AKR1B1: variants seen among roughly 807,000 people sequenced by gnomAD.
AKR1B1 encodes the protein aldo-keto reductase family 1 member B.
In AKR1B1, 22 loss-of-function variants were observed where a neutral mutation model predicts 40.4. The ratio of observed to expected loss-of-function variants is 0.54; its 90% CI spans 0.39 to 0.78. The LOEUF is 0.78. AKR1B1 is among the 30% of genes least tolerant of loss of function. The pLI is 0.00. For synonymous variants in AKR1B1, 157 were observed against 149.9 expected (o/e 1.05, Z -0.35); for missense variants, 357 against 396.7 (o/e 0.90, Z 0.85).
rs1164387534 is a variant in AKR1B1 at position 134,449,518 on chromosome 7, T to C, written c.429+202A>G. On this transcript the variant is annotated intron_variant, in intron 4 of 9. Transcript: ENST00000285930. Reference sequence around the variant, plus strand: ...AGGAGAATGGCGTGAACCCAGGAGGTGGAGCTTGCAGTGAGCCGAGATTGT... The same window carrying C: ...AGGAGAATGGCGTGAACCCAGGAGGCGGAGCTTGCAGTGAGCCGAGATTGT... The C allele has an allele frequency of 4.8e-5, 29 of 601,904 alleles. No homozygotes were observed. In the East Asian group the frequency reaches 5.0e-4, roughly 10 times the overall value. The allele number at this position is 601,904 out of a possible 1,614,324, so 37.3% of individuals were successfully genotyped here. A position where few individuals can be genotyped will look rare whatever the true frequency, so the allele number is the denominator to read the frequency against.
intron 9 of AKR1B1, among the ~76,000 whole-genome samples, chr7:134,443,498 G>A (rs1195434929): frequency 6.6e-6 from 1 of 152,090 alleles, no homozygotes; most frequent in African/African-American, 2.4e-5. Flanking sequence ...GAGGACAGAG[G>A]GAGCCTCCTT....
In AKR1B1 at chr7:134,449,016, T is replaced by C; in HGVS notation, c.533A>G (p.Tyr178Cys). The change falls in exon 5 of 10, where the codon TAT becomes TGT. Residue 178 changes from tyrosine (Y) to cysteine (C), a missense_variant. Tyr to Cys is a radical substitution (Grantham distance 194, BLOSUM62 -2). Transcript: ENST00000285930. ...GTTTACCTGGTTAACTGCAGGCTTA[T>C]ACTTCAAGCCAGGTTTGTTTAAGAT... Reference protein sequence around the residue: ...EMILNKPGLKYKPAVNQIECH... With the variant: ...EMILNKPGLKCKPAVNQIECH... 1 of 1,614,124 alleles carries C rather than the reference T, an allele frequency of 6.2e-7. No homozygotes were observed. The highest frequency in any genetic ancestry group is 8.5e-7 in the Non-Finnish European group (1 of 1,180,004).
At chr7:134,442,885 C>T (rs1805981586) in intron 9 of AKR1B1, 115 bp from the exon 10 acceptor site, 1 of 1,025,772 alleles carries the variant, frequency 9.7e-7, no homozygotes, top group South Asian at 1.4e-5. Flanking sequence ...ACCTCAGAGG[C>T]AACAAGCTAG....
intron 9 of AKR1B1, chr7:134,444,853 CA>C (rs1806049008): frequency 2.9e-6 from 1 of 340,966 alleles, no homozygotes. Flanking sequence ...GGCTCCCGAC[CA>C]AACCCCTTTC....
chr7:134,442,786 A>C lies in AKR1B1; in HGVS notation c.909-16T>G. 2 of 1,613,890 alleles carry C rather than the reference A, an allele frequency of 1.2e-6. No homozygotes were observed. The highest frequency in any genetic ancestry group is 1.7e-6 in the Non-Finnish European group (2 of 1,179,788). ...GGAGGTACAGCTGTCAGGAGAAAGG[A>C]GAAAACAGTTGCTTTTTGAAGAGGT... On this transcript the variant is annotated splice_polypyrimidine_tract_variant and intron_variant, in intron 9 of 9. Transcript: ENST00000285930.
At chr7:134,446,019 A>C (rs999419081) in intron 8 of AKR1B1, among the ~76,000 whole-genome samples, 3 of 152,258 alleles carry the variant, frequency 2.0e-5, no homozygotes, top group Non-Finnish European at 4.4e-5. Context: ...TCAGATGATC[A>C]CAGAATGTGC....
At chr7:134,448,804 C>T (rs1420179559) in intron 5 of AKR1B1, among the ~76,000 whole-genome samples, 193 bp downstream of exon 5, 1 of 152,132 alleles carries the variant, frequency 6.6e-6, no homozygotes, top group Non-Finnish European at 1.5e-5. Flanking sequence ...ACAAGCCAGG[C>T]TCAAACTCTT....
chr7:134,443,581 G>A (rs745407835), intron 9 of AKR1B1, among the ~76,000 whole-genome samples: 2 of 151,354 alleles, frequency 1.3e-5, no homozygotes, highest in African/African-American at 2.4e-5. Context: ...AGGGAGCACA[G>A]GGCAGGGAGC....
rs1806264641 is a variant in AKR1B1, at chr7:134,450,874, A to C, written c.263T>G (p.Leu88Arg). ...KLWCTYHEKG[L>R]VKGACQKTLS... Reference sequence around the variant, plus strand: ...TGTCTTCTGGCAGGCTCCTTTCACCAGGCCCTTCTCATGGTACGTGCACCA... The same window carrying C: ...TGTCTTCTGGCAGGCTCCTTTCACCCGGCCCTTCTCATGGTACGTGCACCA... Residue 88 changes from leucine (L) to arginine (R), a missense_variant, in exon 3 of 10, where the codon CTG becomes CGG. Transcript: ENST00000285930. The C allele has an allele frequency of 6.2e-7, 1 of 1,614,012 alleles. No individual in the cohort carries two copies. The highest frequency in any genetic ancestry group is 1.3e-5 in the African/African-American group (1 of 74,910).
rs553350216 is a variant in AKR1B1 at position 134,456,887 on chromosome 7, T to C, written c.66+2110A>G. Reference sequence around the variant, plus strand: ...AACAAATACATAGCTTTTTGGGGCATTGAGTGCTCAAGTGAATAATCTGAA... The same window carrying C: ...AACAAATACATAGCTTTTTGGGGCACTGAGTGCTCAAGTGAATAATCTGAA... On this transcript the variant is annotated intron_variant, in intron 1 of 9. Coordinates refer to ENST00000285930, the MANE Select transcript of AKR1B1 (RefSeq NM_001628.4). Among the ~76,000 whole-genome samples the C allele has an allele frequency of 3.2e-4, 49 of 152,318 alleles. 1 individual carries two copies. Among genetic ancestry groups the C allele is most frequent in the East Asian group, 3.1e-3 (16 of 5,184 alleles).
At position 134,459,096 on chromosome 7, in the gene AKR1B1, G is replaced by C; in HGVS notation, c.-34C>G. On this transcript the variant is annotated 5_prime_UTR_variant, in exon 1 of 10. Transcript: ENST00000285930. ...CGCTCCCCAGACCCCCGCCCAGTAC[G>C]GTGCGGCCTTGGCCGCGGCGCGTAC... The C allele has an allele frequency of 6.3e-7, 1 of 1,588,422 alleles. No homozygotes were observed. Among genetic ancestry groups the C allele is most frequent in the South Asian group, 1.2e-5 (1 of 86,952 alleles).
chr7:134,454,708 G>C (rs1806410746), intron 1 of AKR1B1, among the ~76,000 whole-genome samples: 1 of 152,198 alleles, frequency 6.6e-6, no homozygotes, highest in South Asian at 2.1e-4. Flanking sequence ...CAAAGGATAA[G>C]GGGAGGGGGC....
intron 1 of AKR1B1, among the ~76,000 whole-genome samples, chr7:134,457,079 A>C (rs1806493199): frequency 6.6e-6 from 1 of 151,976 alleles, no homozygotes; most frequent in Admixed American, 6.6e-5. Flanking sequence ...TTAAGGCTAC[A>C]GTGAATCATG....
chr7:134,457,361 T>C (rs1806502915), intron 1 of AKR1B1, among the ~76,000 whole-genome samples: 1 of 152,224 alleles, frequency 6.6e-6, no homozygotes, highest in African/African-American at 2.4e-5. Context: ...GTATTTGCTA[T>C]TGCCAAGAAA....
In AKR1B1 at chr7:134,459,074, T is replaced by C; in HGVS notation, c.-12A>G. On this transcript the variant is annotated 5_prime_UTR_variant, in exon 1 of 10. Transcript: ENST00000285930. ...AGACGGCTTGCCATGGCTGCTGCGC[T>C]CCCCAGACCCCCGCCCAGTACGGTG... 1 of 1,599,430 alleles carries C rather than the reference T, an allele frequency of 6.3e-7. No individual in the cohort carries two copies. The highest frequency in any genetic ancestry group is 1.3e-5 in the African/African-American group (1 of 74,718).
intron 1 of AKR1B1, among the ~76,000 whole-genome samples, chr7:134,452,903 T>G (rs1451878223): frequency 6.6e-6 from 1 of 151,940 alleles, no homozygotes; most frequent in Non-Finnish European, 1.5e-5. Context: ...CGAGGCAGGG[T>G]GGGGATGCTC....
chr7:134,450,426 G>T (rs1806247204), intron 3 of AKR1B1, among the ~76,000 whole-genome samples: 1 of 152,214 alleles, frequency 6.6e-6, no homozygotes, highest in Admixed American at 6.5e-5. Flanking sequence ...GTGTGCACGT[G>T]CCTGGAGGGG....
chr7:134,453,380 G>C (rs1806354514), intron 1 of AKR1B1, among the ~76,000 whole-genome samples: 1 of 152,140 alleles, frequency 6.6e-6, no homozygotes, highest in South Asian at 2.1e-4. Flanking sequence ...CGGTTCTGCT[G>C]GGGTCACTGA....
intron 1 of AKR1B1, 89 bp downstream of exon 1, chr7:134,458,908 T>C: frequency 3.5e-6 from 5 of 1,432,148 alleles, no homozygotes. Context: ...CGGGGCGAGC[T>C]GCTCAGGGTC....
Sources: allele counts gnomAD v4.1 joint callset (sites outside exome capture counted in the v4.1 genomes callset), GRCh38; gene constraint gnomAD v4.1.1; transcripts MANE v1.5; gene names NCBI Gene and HGNC (gene_info 2026-07-23, HGNC 2026-07-21).